Variants in SNX29 observed in about 807,000 individuals in gnomAD.
SNX29 encodes sorting nexin-29.
In SNX29, 78 loss-of-function variants were observed where a neutral mutation model predicts 102.1. The ratio of observed to expected loss-of-function variants is 0.76; its 90% CI spans 0.64 to 0.92. SNX29 has a LOEUF of 0.92. SNX29 is among the 40% of genes least tolerant of loss of function. The probability of loss-of-function intolerance (pLI) is 0.00; values close to 1 mark genes in which losing one functional copy is unlikely to be tolerated. For missense variants in SNX29, 1,280 were observed against 1,061.7 expected (o/e 1.21, Z -2.86); for synonymous variants, 580 against 414.5 (o/e 1.40, Z -4.85).
intron 18 of SNX29, among the ~76,000 whole-genome samples, chr16:12,437,760 CA>C (rs1286331153): frequency 6.6e-6 from 1 of 152,118 alleles, no homozygotes; most frequent in Admixed American, 6.5e-5. Flanking sequence ...GGTGAAATCT[CA>C]AAAATGCACG....
intron 20 of SNX29, among the ~76,000 whole-genome samples, chr16:12,537,378 A>G (rs531354804): frequency 6.6e-6 from 1 of 152,248 alleles, no homozygotes; most frequent in Admixed American, 6.5e-5. Flanking sequence ...CATGACAGAA[A>G]GAGCAAGACT....
chr16:12,279,055 G>A (rs1397599627), intron 15 of SNX29, among the ~76,000 whole-genome samples: 1 of 152,226 alleles, frequency 6.6e-6, no homozygotes, highest in African/African-American at 2.4e-5. Context: ...CTATGTTTTT[G>A]ATGAGGTGTG....
rs201148545 is a variant in SNX29, at chr16:12,403,269, CTGAG to C, written c.1956-175_1956-172del. Among the ~76,000 whole-genome samples the C allele has an allele frequency of 9.7e-3, 1,374 of 142,128 alleles. 22 individuals carry two copies. The highest frequency in any genetic ancestry group is 0.034 in the African/African-American group (1,287 of 37,674). The allele number at this position is 142,128 out of a possible 152,430, so 93.2% of individuals were successfully genotyped here. Reference sequence around the variant, plus strand: ...GTGTGTGTGTGTAGAGAGAGACAGACTGAGTGATGACTTAAACTTGTCCTTTAGC... The same window carrying C: ...GTGTGTGTGTGTAGAGAGAGACAGACTGATGACTTAAACTTGTCCTTTAGC... On this transcript the variant is annotated intron_variant, in intron 17 of 20. Transcript: ENST00000566228.
intron 13 of SNX29, among the ~76,000 whole-genome samples, chr16:12,150,627 C>G (rs1477868531): frequency 1.3e-5 from 2 of 152,214 alleles, no homozygotes; most frequent in East Asian, 1.9e-4. Context: ...GTCTAATGAG[C>G]TAATTTTTGT....
intron 18 of SNX29, among the ~76,000 whole-genome samples, chr16:12,437,936 C>T (rs1013557213): frequency 1.3e-5 from 2 of 152,036 alleles, no homozygotes; most frequent in Non-Finnish European, 2.9e-5. Flanking sequence ...CCCAGCGGTC[C>T]ATCTGCACTG....
intron 11 of SNX29, among the ~76,000 whole-genome samples, chr16:12,100,862 G>C (rs1163507469): frequency 6.6e-6 from 1 of 152,104 alleles, no homozygotes; most frequent in Non-Finnish European, 1.5e-5. Context: ...AGGGAGGGCA[G>C]CTGGCAGGTG....
At chr16:12,505,395 C>A (rs761087737) in intron 19 of SNX29, among the ~76,000 whole-genome samples, 18 of 152,120 alleles carry the variant, frequency 1.2e-4, no homozygotes, top group Non-Finnish European at 2.2e-4. Context: ...ATTGAATTTT[C>A]TTGGCATCCT....
At chr16:12,009,953 A>G (rs907245311) in intron 3 of SNX29, among the ~76,000 whole-genome samples, 3 of 152,250 alleles carry the variant, frequency 2.0e-5, no homozygotes, top group Non-Finnish European at 2.9e-5. Flanking sequence ...AATTATGAAC[A>G]GGAATGCTAA....
At chr16:12,301,927 G>C (rs866297437) in intron 15 of SNX29, among the ~76,000 whole-genome samples, 19 of 152,200 alleles carry the variant, frequency 1.2e-4, no homozygotes, top group Admixed American at 8.5e-4. Flanking sequence ...TAACATTGCG[G>C]CTGCTGGTCC....
chr16:12,333,049 T>A (rs2081342120), intron 15 of SNX29, among the ~76,000 whole-genome samples: 1 of 151,574 alleles, frequency 6.6e-6, no homozygotes, highest in African/African-American at 2.4e-5. Context: ...TTTAGCATCC[T>A]GGATATTTAG....
At position 12,570,314 on chromosome 16, in the gene SNX29, T is replaced by G. The variant is rs2079160093; in HGVS notation, c.*1685T>G. On this transcript the variant is annotated 3_prime_UTR_variant, in exon 21 of 21. Transcript: ENST00000566228. ...CGAGTGTGGAGGACCCGAGACATCC[T>G]GTAAAGGCAACTTGGTCTCCCTCCC... 3 of 993,010 alleles carry G rather than the reference T, an allele frequency of 3.0e-6. No homozygotes were observed. Among genetic ancestry groups the G allele is most frequent in the Non-Finnish European group, 2.5e-6 (2 of 813,476 alleles). The allele number at this position is 993,010 out of a possible 1,614,324, so 61.5% of individuals were successfully genotyped here.
intron 15 of SNX29, among the ~76,000 whole-genome samples, chr16:12,344,156 A>G (rs2081702362): frequency 6.6e-6 from 1 of 152,214 alleles, no homozygotes. Context: ...CTCCCCAGTC[A>G]TGTGGAACTT....
At chr16:12,403,875 A>G (rs1034589743) in intron 18 of SNX29, among the ~76,000 whole-genome samples, 3 of 152,178 alleles carry the variant, frequency 2.0e-5, no homozygotes, top group Non-Finnish European at 4.4e-5. Context: ...ACCTGCCATC[A>G]GGAACCTGCT....
At chr16:12,447,363 G>A (rs1452039515) in intron 18 of SNX29, among the ~76,000 whole-genome samples, 1 of 152,012 alleles carries the variant, frequency 6.6e-6, no homozygotes, top group African/African-American at 2.4e-5. Context: ...GATTTTTGTT[G>A]TTAGCGGAAT....
chr16:12,562,835 C>G (rs554902594), intron 20 of SNX29, among the ~76,000 whole-genome samples: 10 of 152,116 alleles, frequency 6.6e-5, no homozygotes, highest in South Asian at 4.1e-4. Flanking sequence ...CCTAGCATTC[C>G]CCTATAGGCA....
At chr16:12,502,894 A>G (rs142704558) in intron 19 of SNX29, among the ~76,000 whole-genome samples, 1,961 of 152,342 alleles carry the variant, frequency 0.013, 47 homozygotes, top group African/African-American at 0.044. Flanking sequence ...TACAGGAGCG[A>G]TTAGAGCTGC....
intron 11 of SNX29, among the ~76,000 whole-genome samples, chr16:12,121,061 ATTTG>A (rs1409849682): frequency 6.6e-6 from 1 of 152,144 alleles, no homozygotes; most frequent in Non-Finnish European, 1.5e-5. Flanking sequence ...TCAGTCATTC[ATTTG>A]TTTATCAATT....
intron 3 of SNX29, among the ~76,000 whole-genome samples, chr16:12,019,227 C>A (rs531461094): frequency 6.6e-6 from 1 of 151,792 alleles, no homozygotes; most frequent in African/African-American, 2.4e-5. Flanking sequence ...TGTTTTTTTG[C>A]GATGGAGTCT....
chr16:11,994,640 T>G (rs1297841185), intron 1 of SNX29, among the ~76,000 whole-genome samples: 2 of 152,180 alleles, frequency 1.3e-5, no homozygotes, highest in Non-Finnish European at 2.9e-5. Flanking sequence ...TTGTCAAGGA[T>G]TAAATAGGTC....
Sources: allele counts gnomAD v4.1 joint callset (sites outside exome capture counted in the v4.1 genomes callset), GRCh38; gene constraint gnomAD v4.1.1; transcripts MANE v1.5; gene names NCBI Gene and HGNC (gene_info 2026-07-23, HGNC 2026-07-21).